ARHGAP22: variants seen among roughly 807,000 people sequenced by gnomAD.
ARHGAP22 encodes Rho GTPase activating protein 22, also known as rho GTPase-activating protein 22.
A neutral mutation model predicts 59.1 loss-of-function variants in ARHGAP22; 48 were observed. That is an observed-to-expected ratio of 0.81 (90% confidence interval 0.64 to 1.03). The LOEUF is 1.03. Among genes scored for constraint, ARHGAP22 ranks in the 50% least tolerant of loss-of-function variants. The pLI is 0.00. For synonymous variants in ARHGAP22, 445 were observed against 416.4 expected (o/e 1.07, Z -0.84); for missense variants, 1,015 against 958.7 (o/e 1.06, Z -0.78).
In ARHGAP22 at chr10:48,490,702, C is replaced by A. The variant is rs74130292; in HGVS notation, c.323-10938G>T. 4.1e-3 allele frequency among the ~76,000 whole-genome samples: 622 copies of A among 152,310 alleles called. 1 individual carries two copies. The highest frequency in any genetic ancestry group is 0.014 in the African/African-American group (588 of 41,558). On this transcript the variant is annotated intron_variant, in intron 3 of 9. Coordinates refer to ENST00000249601, the MANE Select transcript of ARHGAP22 (RefSeq NM_021226.4). ...ACTCTTCCTCTCCCTCACCTTTACA[C>A]TGACCCCAGTCTCCCTGGTGGGCCC...
rs143083252 is a variant in ARHGAP22 at position 48,517,119 on chromosome 10, G to A, written c.323-37355C>T. 1.6e-4 allele frequency among the ~76,000 whole-genome samples: 24 copies of A among 152,304 alleles called. No individual in the cohort carries two copies. The East Asian group carries it at 4.4e-3, about 28-fold the overall frequency. ...TGAGACATGACTACCAACAGGCATG[G>A]GGTTTCTTTCCGGGGTGATGACAAT... is the stretch of plus-strand genomic sequence containing the variant. On this transcript the variant is annotated intron_variant, in intron 3 of 9. Coordinates refer to ENST00000249601, the MANE Select transcript of ARHGAP22 (RefSeq NM_021226.4).
chr10:48,483,370 T>C (rs2049520539), intron 3 of ARHGAP22, among the ~76,000 whole-genome samples: 1 of 152,166 alleles, frequency 6.6e-6, no homozygotes, highest in Non-Finnish European at 1.5e-5. Flanking sequence ...ACCTCCGGCA[T>C]AAATGGGTTA....
rs73300248 is a variant in ARHGAP22 at position 48,573,038 on chromosome 10, A to G, written c.234+9915T>C. On this transcript the variant is annotated intron_variant, in intron 2 of 9. Coordinates refer to ENST00000249601, the MANE Select transcript of ARHGAP22 (RefSeq NM_021226.4). The stretch of plus-strand genomic sequence containing the variant: ...ATTAAAGCAAGTTAATACATGCAAA[A>G]CACTTAGAACAGAGCCTGGTTCATC... Among the ~76,000 whole-genome samples, 131 of 152,296 alleles carry G rather than the reference A, an allele frequency of 8.6e-4. 1 individual carries two copies. The highest frequency in any genetic ancestry group is 3.0e-3 in the African/African-American group (125 of 41,566).
chr10:48,605,815 G>A (rs759237234), upstream of ARHGAP22, among the ~76,000 whole-genome samples: 5 of 152,072 alleles, frequency 3.3e-5, no homozygotes, highest in Non-Finnish European at 5.9e-5. Context: ...TATATATAGC[G>A]TTTCAAATCT....
At chr10:48,454,760 C>T (rs549322008) in intron 6 of ARHGAP22, among the ~76,000 whole-genome samples, 68 of 152,284 alleles carry the variant, frequency 4.5e-4, no homozygotes, top group African/African-American at 1.5e-3. Flanking sequence ...GGACCAAGGC[C>T]GCAGACAGGT....
Position 48,450,371 on chromosome 10 carries a change from G to C in ARHGAP22, c.1758C>G (p.Asp586Glu), listed in dbSNP as rs1564659778. 6.3e-7 allele frequency: 1 copy of C among 1,582,844 alleles called. No homozygotes were observed. The highest frequency in any genetic ancestry group is 8.6e-7 in the Non-Finnish European group (1 of 1,165,116). Reference protein sequence around the residue: ...GASNSEPSEPDSPTREHARRS... With the variant: ...GASNSEPSEPESPTREHARRS... ...GGCGCGCGTGTTCCCGGGTGGGGCTGTCCGGCTCGCTGGGCTCGCTGTTGC... is the reference window on the plus strand; with the variant it reads ...GGCGCGCGTGTTCCCGGGTGGGGCTCTCCGGCTCGCTGGGCTCGCTGTTGC... Residue 586 changes from aspartate (D) to glutamate (E), a missense_variant, in exon 9 of 10, where the codon GAC (aspartate) becomes GAG (glutamate). Coordinates refer to ENST00000249601, the MANE Select transcript of ARHGAP22 (RefSeq NM_021226.4).
rs1008076491 is a variant in ARHGAP22, at chr10:48,474,439, C to A, written c.451+5197G>T. Among the ~76,000 whole-genome samples, 9 of 152,270 alleles carry A rather than the reference C, an allele frequency of 5.9e-5. No individual in the cohort carries two copies. In the East Asian group the frequency reaches 1.5e-3, roughly 26 times the overall value. On this transcript the variant is annotated intron_variant, in intron 4 of 9. Transcript: ENST00000249601. ...AGCTTCATTTTATTTCATTTTCTTG[C>A]ATAATTGACCTGGCTAGAACCTCTA...
chr10:48,439,158 G>C, the ARHGAP22 span: 4 of 151,490 alleles, frequency 2.6e-5, no homozygotes, highest in African/African-American at 9.7e-5. Context: ...CTCCTTCCCT[G>C]TGTTCCGTTC....
chr10:48,600,112 T>A (rs1291612598), intron 1 of ARHGAP22, among the ~76,000 whole-genome samples: 2 of 152,196 alleles, frequency 1.3e-5, no homozygotes, highest in African/African-American at 4.8e-5. Context: ...ACAGAGTTGG[T>A]GTAAAGATTA....
At chr10:48,443,186 G>A (rs2045242402), downstream of ARHGAP22, among the ~76,000 whole-genome samples, 1 of 152,090 alleles carries the variant, frequency 6.6e-6, no homozygotes, top group African/African-American at 2.4e-5. Flanking sequence ...CCTGTCATTT[G>A]GGTCATTCGC....
At chr10:48,655,159 G>A (rs1167056033), upstream of ARHGAP22, among the ~76,000 whole-genome samples, 2 of 136,112 alleles carry the variant, frequency 1.5e-5, no homozygotes, top group African/African-American at 5.6e-5. Flanking sequence ...TCCTGTCTCA[G>A]GCCCCTCCCA....
At chr10:48,633,182 C>A (rs2061687322) in intron 1 of ARHGAP22, among the ~76,000 whole-genome samples, 1 of 152,222 alleles carries the variant, frequency 6.6e-6, no homozygotes, top group African/African-American at 2.4e-5. Flanking sequence ...AAATTATCAA[C>A]CCTTAGGAAA....
chr10:48,569,345 A>T (rs899001971), intron 2 of ARHGAP22, among the ~76,000 whole-genome samples: 1 of 152,226 alleles, frequency 6.6e-6, no homozygotes, highest in Non-Finnish European at 1.5e-5. Flanking sequence ...GCCACAGTCC[A>T]TTTGGGAAAT....
chr10:48,653,886 G>A (rs1195575530), upstream of ARHGAP22, among the ~76,000 whole-genome samples: 1 of 152,236 alleles, frequency 6.6e-6, no homozygotes, highest in Admixed American at 6.5e-5. Flanking sequence ...TAGTTTTGCA[G>A]TGTAACTGTG....
At position 48,479,830 on chromosome 10, in the gene ARHGAP22, A is replaced by T. The variant is rs551581698; in HGVS notation, c.323-66T>A. On this transcript the variant is annotated intron_variant, in intron 3 of 9. Transcript: ENST00000249601. ...CCGCAGCACACTCTCCACCGCCGGC[A>T]CTAGTCAGCATTACTCCCTGTGGGA... 157 of 1,442,822 alleles carry T rather than the reference A, an allele frequency of 1.1e-4. 1 individual carries two copies. Among genetic ancestry groups the T allele is most frequent in the Middle Eastern group, 5.4e-4 (3 of 5,544 alleles). 89.4% of individuals were successfully genotyped at this position (1,442,822 alleles called of 1,614,324 possible). A position where few individuals can be genotyped will look rare whatever the true frequency, so the allele number is the denominator to read the frequency against.
At chr10:48,471,555 G>T (rs1172760287) in intron 4 of ARHGAP22, among the ~76,000 whole-genome samples, 1 of 152,130 alleles carries the variant, frequency 6.6e-6, no homozygotes, top group Non-Finnish European at 1.5e-5. Flanking sequence ...CAGAGCTATG[G>T]CCTTGCCATA....
At chr10:48,612,367 A>G (rs1333411771) in intron 1 of ARHGAP22, among the ~76,000 whole-genome samples, 1 of 152,156 alleles carries the variant, frequency 6.6e-6, no homozygotes, top group African/African-American at 2.4e-5. Flanking sequence ...GATCTGCTCT[A>G]TATCTGGCAG....
chr10:48,616,590 T>C (rs1204528229), intron 1 of ARHGAP22, among the ~76,000 whole-genome samples: 1 of 152,150 alleles, frequency 6.6e-6, no homozygotes, highest in African/African-American at 2.4e-5. Flanking sequence ...CAAAAGCAGA[T>C]AAATGACTTG....
At chr10:48,584,123 A>G (rs1464306276) in intron 1 of ARHGAP22, among the ~76,000 whole-genome samples, 1 of 152,178 alleles carries the variant, frequency 6.6e-6, no homozygotes, top group East Asian at 1.9e-4. Context: ...CTGGAGAAAT[A>G]ATTCTGAGTT....
Sources: allele counts gnomAD v4.1 joint callset (sites outside exome capture counted in the v4.1 genomes callset), GRCh38; gene constraint gnomAD v4.1.1; transcripts MANE v1.5; gene names NCBI Gene and HGNC (gene_info 2026-07-23, HGNC 2026-07-21).